The following PIK3C2G variants were observed in gnomAD, a reference collection of about 807,000 sequenced individuals.
The protein encoded by PIK3C2G is phosphatidylinositol-4-phosphate 3-kinase catalytic subunit type 2 gamma, also known as phosphatidylinositol 3-kinase C2 domain-containing subunit gamma.
PIK3C2G carries 168 observed loss-of-function variants against 181.1 expected under a neutral mutation model. The observed-to-expected ratio is 0.93, with a 90% confidence interval of 0.82 to 1.05. The LOEUF is 1.05. Among genes scored for constraint, PIK3C2G ranks in the 50% least tolerant of loss-of-function variants. PIK3C2G has a pLI of 0.00. For missense variants in PIK3C2G, 1,869 were observed against 1,732.8 expected (o/e 1.08, Z -1.40); for synonymous variants, 573 against 592.2 (o/e 0.97, Z 0.47).
chr12:18,601,353 A>G (rs1222916614), intron 30 of PIK3C2G, among the ~76,000 whole-genome samples: 1 of 152,118 alleles, frequency 6.6e-6, no homozygotes, highest in African/African-American at 2.4e-5. Flanking sequence ...TGTTAAGTGA[A>G]ATAAGCCAGG....
the PIK3C2G span, among the ~76,000 whole-genome samples, chr12:18,681,611 A>C: frequency 6.6e-6 from 1 of 152,046 alleles, no homozygotes; most frequent in Non-Finnish European, 1.5e-5. Flanking sequence ...GCAAATTTTA[A>C]AATGGAACCA....
chr12:18,444,109 T>C (rs1227604390), intron 18 of PIK3C2G, among the ~76,000 whole-genome samples: 1 of 152,196 alleles, frequency 6.6e-6, no homozygotes, highest in Non-Finnish European at 1.5e-5. Context: ...TCAATGAATA[T>C]TAAAGTTCCC....
At chr12:18,380,383 C>T (rs1176571322) in intron 13 of PIK3C2G, among the ~76,000 whole-genome samples, 1 of 152,144 alleles carries the variant, frequency 6.6e-6, no homozygotes, top group African/African-American at 2.4e-5. Context: ...AATATGACCT[C>T]CAAGTTTGGC....
chr12:18,663,535 T>C, the PIK3C2G span, among the ~76,000 whole-genome samples: 3 of 152,092 alleles, frequency 2.0e-5, no homozygotes, highest in Non-Finnish European at 4.4e-5. Flanking sequence ...TTGATATCCA[T>C]AGGAGGTCCT....
chr12:18,679,784 G>C, the PIK3C2G span, among the ~76,000 whole-genome samples: 2 of 152,064 alleles, frequency 1.3e-5, no homozygotes, highest in Middle Eastern at 3.4e-3. Flanking sequence ...TGTACACATG[G>C]AAAGTAGAAA....
chr12:18,553,054 T>C (rs961235881), intron 26 of PIK3C2G, among the ~76,000 whole-genome samples: 1 of 152,092 alleles, frequency 6.6e-6, no homozygotes, highest in Non-Finnish European at 1.5e-5. Context: ...AGCTGTTTTA[T>C]GCACAACAGC....
intron 25 of PIK3C2G, among the ~76,000 whole-genome samples, chr12:18,544,572 A>C (rs1944324502): frequency 6.6e-6 from 1 of 151,992 alleles, no homozygotes; most frequent in South Asian, 2.1e-4. Flanking sequence ...AGAATGAAGT[A>C]ATTGATTATA....
At chr12:18,556,247 C>G (rs1024726414) in intron 26 of PIK3C2G, among the ~76,000 whole-genome samples, 1 of 152,138 alleles carries the variant, frequency 6.6e-6, no homozygotes, top group African/African-American at 2.4e-5. Context: ...GGAGCTATTA[C>G]TTGGATAAAT....
rs534076305 is a variant in PIK3C2G at position 18,457,069 on chromosome 12, CAT to C, written c.2505-31378_2505-31377del. Among the ~76,000 whole-genome samples the C allele has an allele frequency of 1.2e-3, 189 of 151,926 alleles. 1 individual carries two copies. The highest frequency in any genetic ancestry group is 4.5e-3 in the African/African-American group (185 of 41,436). ...ATGTGAAATACAAGTACAATGGAAA[CAT>C]AGAAAAAGGAACAATAAGGGTAGAC... is the stretch of plus-strand genomic sequence containing the variant. On this transcript the variant is annotated intron_variant, in intron 18 of 32. Transcript: ENST00000538779.
At chr12:18,325,220 G>A in intron 8 of PIK3C2G, 122 bp downstream of exon 8, 1 of 613,258 alleles carries the variant, frequency 1.6e-6, no homozygotes, top group South Asian at 2.1e-5. Flanking sequence ...ATCTACACTT[G>A]AAAGGCTTTC....
At chr12:18,597,724 G>A (rs1013960850) in intron 30 of PIK3C2G, among the ~76,000 whole-genome samples, 5 of 151,862 alleles carry the variant, frequency 3.3e-5, no homozygotes, top group Admixed American at 1.3e-4. Context: ...GTTTGCAGAC[G>A]ACATGATTGT....
At chr12:18,303,014 AC>A (rs1011273815) in intron 5 of PIK3C2G, among the ~76,000 whole-genome samples, 4 of 151,380 alleles carry the variant, frequency 2.6e-5, no homozygotes, top group Non-Finnish European at 5.9e-5. Flanking sequence ...CTGTCCTCAG[AC>A]CCCCCAGTGG....
chr12:18,487,901 G>A (rs1270172624), intron 18 of PIK3C2G, among the ~76,000 whole-genome samples: 3 of 152,096 alleles, frequency 2.0e-5, no homozygotes, highest in Admixed American at 2.0e-4. Flanking sequence ...TGAGAGCTGG[G>A]ATTTGAGTCC....
intron 28 of PIK3C2G, among the ~76,000 whole-genome samples, chr12:18,565,375 T>G (rs961190678): frequency 1.3e-5 from 2 of 152,162 alleles, no homozygotes; most frequent in Admixed American, 1.3e-4. Flanking sequence ...TAATAATCTT[T>G]TTTAGAAAAG....
At chr12:18,257,819 AAGAG>A (rs200704395), upstream of PIK3C2G, among the ~76,000 whole-genome samples, 7,448 of 145,888 alleles carry the variant, frequency 0.051, 335 homozygotes, top group East Asian at 0.18. Flanking sequence ...AAGAAGGAGA[AAGAG>A]AAAGAAAGAG....
intron 31 of PIK3C2G, among the ~76,000 whole-genome samples, chr12:18,620,267 T>C (rs1237642124): frequency 6.6e-6 from 1 of 152,162 alleles, no homozygotes; most frequent in African/African-American, 2.4e-5. Flanking sequence ...TTAATTTGTA[T>C]AATGTTGCAT....
At chr12:18,434,728 T>C (rs573799030) in intron 18 of PIK3C2G, among the ~76,000 whole-genome samples, 3 of 152,258 alleles carry the variant, frequency 2.0e-5, no homozygotes, top group African/African-American at 2.4e-5. Flanking sequence ...TACAACAGCA[T>C]AGATTATTCA....
the PIK3C2G span, among the ~76,000 whole-genome samples, chr12:18,710,364 G>A: frequency 6.6e-6 from 1 of 151,674 alleles, no homozygotes; most frequent in African/African-American, 2.4e-5. Flanking sequence ...AAGTACAAAG[G>A]CCTTGAGATA....
chr12:18,722,413 C>T, the PIK3C2G span, among the ~76,000 whole-genome samples: 6 of 151,976 alleles, frequency 3.9e-5, 1 homozygote, highest in Admixed American at 6.6e-5. Context: ...ATGTATGATC[C>T]AATGCAGAAA....
Sources: gnomAD v4.1 joint callset for allele counts (sites outside exome capture counted in the v4.1 genomes callset) on GRCh38, gnomAD v4.1.1 for gene constraint, MANE v1.5 for transcripts, NCBI Gene and HGNC (gene_info 2026-07-23, HGNC 2026-07-21) for gene names.